MORC1: variants seen among roughly 807,000 people sequenced by gnomAD.
The protein encoded by MORC1 is MORC family CW-type zinc finger protein 1.
Under a neutral mutation model 134.9 loss-of-function variants are expected in MORC1, and 59 were observed. That is an observed-to-expected ratio of 0.44 (90% confidence interval 0.35 to 0.54). MORC1 has a LOEUF of 0.54. Among genes scored for constraint, MORC1 ranks in the 20% least tolerant of loss-of-function variants. The pLI is 0.00. For synonymous variants in MORC1, 395 were observed against 391.7 expected (o/e 1.01, Z -0.10); for missense variants, 947 against 1,134.5 (o/e 0.83, Z 2.37).
At chr3:108,970,674 C>T (rs748251867) in intron 25 of MORC1, among the ~76,000 whole-genome samples, 106 of 152,158 alleles carry the variant, frequency 7.0e-4, no homozygotes, top group Non-Finnish European at 1.1e-3. Flanking sequence ...GGAGAAAAGG[C>T]CTCCCACCCT....
In MORC1 at chr3:109,032,733, G is replaced by T. The variant is rs115832406; in HGVS notation, c.1552C>A (p.Arg518Ser). 3.1e-6 allele frequency: 5 copies of T among 1,588,850 alleles called. No individual in the cohort carries two copies. The African/African-American group carries it at 5.4e-5, about 17-fold the overall frequency. ...AATCAAAAATACCTGTTTTCCAAGCGGTTGGGATTATTAGCACAAATCCAA... is the reference window on the plus strand; with the variant it reads ...AATCAAAAATACCTGTTTTCCAAGCTGTTGGGATTATTAGCACAAATCCAA... ...DIWICANNPN[R>S]LENSCHQVEC... Residue 518 changes from arginine (R) to serine (S), a missense_variant, in exon 16 of 28, where the codon CGC becomes AGC. Arg to Ser is a moderately radical substitution (Grantham distance 110). This residue lies in a region of MORC1 where 722 missense variants were observed against 817.0 expected (regional missense o/e 0.88). Coordinates refer to ENST00000232603, the MANE Select transcript of MORC1 (RefSeq NM_014429.4).
intron 14 of MORC1, among the ~76,000 whole-genome samples, chr3:109,040,996 C>T (rs1033237267): frequency 6.6e-6 from 1 of 151,580 alleles, no homozygotes; most frequent in Admixed American, 6.6e-5. Flanking sequence ...TAGAGGGATA[C>T]AGAGTCAGAT....
chr3:109,037,874 G>C (rs944648199), intron 14 of MORC1, among the ~76,000 whole-genome samples: 4 of 152,138 alleles, frequency 2.6e-5, no homozygotes, highest in African/African-American at 9.7e-5. Context: ...CCAAGTCTTT[G>C]CTATTGTGAA....
chr3:108,997,290 T>C (rs753719137), intron 21 of MORC1, among the ~76,000 whole-genome samples: 6 of 152,184 alleles, frequency 3.9e-5, no homozygotes, highest in Non-Finnish European at 7.3e-5. Context: ...CCCACCACTT[T>C]GGGAGGCCAA....
At chr3:109,026,846 G>GA (rs1389937577) in intron 17 of MORC1, among the ~76,000 whole-genome samples, 1 of 152,126 alleles carries the variant, frequency 6.6e-6, no homozygotes, top group Non-Finnish European at 1.5e-5. Flanking sequence ...CTTTCCAAGA[G>GA]AGACCCTAAG....
intron 14 of MORC1, among the ~76,000 whole-genome samples, chr3:109,042,945 G>A (rs1032093612): frequency 2.6e-5 from 4 of 152,140 alleles, no homozygotes; most frequent in Non-Finnish European, 5.9e-5. Flanking sequence ...GGAGATGTTG[G>A]TAAAAGGATA....
At chr3:109,116,779 C>T (rs1951284223) in intron 1 of MORC1, among the ~76,000 whole-genome samples, 1 of 152,160 alleles carries the variant, frequency 6.6e-6, no homozygotes, top group African/African-American at 2.4e-5. Flanking sequence ...GACCCTGTCT[C>T]CAAATCCAAC....
chr3:108,981,207 T>G (rs1485623257), intron 23 of MORC1, among the ~76,000 whole-genome samples: 1 of 152,008 alleles, frequency 6.6e-6, no homozygotes, highest in African/African-American at 2.4e-5. Context: ...ATAAAAAGAT[T>G]TTTTTTTGTA....
At chr3:108,971,435 T>C (rs1331625123) in intron 24 of MORC1, 33 bp from the exon 25 acceptor site, 2 of 1,577,398 alleles carry the variant, frequency 1.3e-6, no homozygotes, top group Non-Finnish European at 1.7e-6. Context: ...TATGGGAATA[T>C]ACTAGGATAA....
chr3:109,095,638 T>C (rs959853697), intron 6 of MORC1, among the ~76,000 whole-genome samples: 3 of 152,194 alleles, frequency 2.0e-5, no homozygotes, highest in African/African-American at 4.8e-5. Flanking sequence ...GGCACTGCTC[T>C]TGTGGGCACC....
intron 8 of MORC1, among the ~76,000 whole-genome samples, chr3:109,092,518 A>G (rs1950751474): frequency 6.6e-6 from 1 of 152,164 alleles, no homozygotes; most frequent in Admixed American, 6.5e-5. Flanking sequence ...GTCCAAATTC[A>G]TATGTGCTGT....
chr3:109,102,778 T>C (rs1164594397), intron 4 of MORC1, among the ~76,000 whole-genome samples: 1 of 152,160 alleles, frequency 6.6e-6, no homozygotes, highest in Non-Finnish European at 1.5e-5. Context: ...TTCAAAAAAA[T>C]GAACTTAATA....
intron 8 of MORC1, among the ~76,000 whole-genome samples, chr3:109,071,957 C>G (rs541137717): frequency 2.6e-5 from 4 of 152,170 alleles, no homozygotes; most frequent in Non-Finnish European, 5.9e-5. Context: ...TGCAAGCAAG[C>G]CTTTCTAAGA....
intron 20 of MORC1, among the ~76,000 whole-genome samples, chr3:109,003,622 A>T (rs1948463714): frequency 6.6e-6 from 1 of 152,194 alleles, no homozygotes; most frequent in Admixed American, 6.6e-5. Flanking sequence ...AAGAGATATG[A>T]TTATAAAGTG....
At chr3:108,964,295 C>CTTGTA (rs1473238943) in intron 26 of MORC1, among the ~76,000 whole-genome samples, 17 of 152,246 alleles carry the variant, frequency 1.1e-4, no homozygotes, top group Admixed American at 3.3e-4. Context: ...ACATTAATTG[C>CTTGTA]TTGTATAAAC....
intron 2 of MORC1, among the ~76,000 whole-genome samples, chr3:109,113,705 A>C (rs1951215823): frequency 6.6e-6 from 1 of 152,156 alleles, no homozygotes; most frequent in African/African-American, 2.4e-5. Context: ...ACAAGCTCCC[A>C]CAAATACACT....
chr3:108,986,926 A>G lies in MORC1; in HGVS notation c.2211T>C (p.Asp737=). 6.3e-7 allele frequency: 1 copy of G among 1,576,862 alleles called. No individual in the cohort carries two copies. The highest frequency in any genetic ancestry group is 8.6e-7 in the Non-Finnish European group (1 of 1,166,274). The part of the protein sequence containing the change: ...IILVSDKSNT[D]VSLKQEKKEI... The stretch of plus-strand genomic sequence containing the variant: ...CCTTTTTTTCTTGTTTCAATGAAAC[A>G]TCAGTGTTGCTTTTATCTGAAACCT... Residue 737 remains aspartate (D), a synonymous_variant, in exon 22 of 28, where the codon GAT becomes GAC. Transcript: ENST00000232603.
chr3:109,101,937 C>T (rs1230544599), intron 4 of MORC1, among the ~76,000 whole-genome samples: 1 of 152,186 alleles, frequency 6.6e-6, no homozygotes, highest in Non-Finnish European at 1.5e-5. Flanking sequence ...GTTCATTACA[C>T]ACTACATGAA....
intron 4 of MORC1, among the ~76,000 whole-genome samples, chr3:109,102,123 C>A (rs938353790): frequency 6.6e-6 from 1 of 152,052 alleles, no homozygotes; most frequent in African/African-American, 2.4e-5. Context: ...CAGGGTAATG[C>A]GATAGAGAAT....
Sources: gnomAD v4.1 joint callset for allele counts (sites outside exome capture counted in the v4.1 genomes callset) on GRCh38, gnomAD v4.1.1 for gene constraint, gnomAD v4.1.1 regional missense constraint, MANE v1.5 for transcripts, NCBI Gene and HGNC (gene_info 2026-07-23, HGNC 2026-07-21) for gene names.